ARHGEF7: variants seen among roughly 807,000 people sequenced by gnomAD.
ARHGEF7 encodes the protein Rho guanine nucleotide exchange factor 7, also known as PAK-interacting exchange factor beta.
In ARHGEF7, 33 loss-of-function variants were observed where a neutral mutation model predicts 109.8. The observed-to-expected ratio is 0.30, with a 90% confidence interval of 0.23 to 0.40. The LOEUF (loss-of-function observed/expected upper bound fraction) is 0.40, where lower values mean the gene tolerates loss of function less well. Among genes scored for constraint, ARHGEF7 ranks in the 10% least tolerant of loss-of-function variants. The pLI is 1.00. For missense variants in ARHGEF7, 938 were observed against 1,098.5 expected (o/e 0.85, Z 2.07); for synonymous variants, 458 against 424.6 (o/e 1.08, Z -0.97).
At position 111,133,789 on chromosome 13, in the gene ARHGEF7, AT is replaced by A. The variant is rs1566606745; in HGVS notation, c.165+18099del. On this transcript the variant is annotated intron_variant, in intron 1 of 21. Transcript: ENST00000646102. ...TATATATATATATATATATATATAT[AT>A]ATATATATATATATATATATATATT... is the stretch of plus-strand genomic sequence containing the variant. Among the ~76,000 whole-genome samples the A allele has an allele frequency of 2.4e-3, 251 of 103,636 alleles. 14 individuals are homozygous for A. Among genetic ancestry groups the A allele is most frequent in the East Asian group, 6.5e-3 (15 of 2,310 alleles). The allele number at this position is 103,636 out of a possible 152,430, so 68.0% of individuals were successfully genotyped here. A position where few individuals can be genotyped will look rare whatever the true frequency, so the allele number is the denominator to read the frequency against.
chr13:111,303,017 A>G lies in ARHGEF7; in HGVS notation c.2493A>G (p.Leu831=). 6.2e-7 allele frequency: 1 copy of G among 1,614,174 alleles called. No individual in the cohort carries two copies. The highest frequency in any genetic ancestry group is 8.5e-7 in the Non-Finnish European group (1 of 1,180,002). The change falls in exon 22 of 22, where the codon CTA becomes CTG. Residue 831 remains leucine, a synonymous_variant. Coordinates refer to ENST00000646102, the MANE Select transcript of ARHGEF7 (RefSeq NM_001354046.2). ...ACAACAAAAAGATGAAGAAATCTCTAGAGGAAGAACAGAGAGCCCGCAAAG... is the reference window on the plus strand; with the variant it reads ...ACAACAAAAAGATGAAGAAATCTCTGGAGGAAGAACAGAGAGCCCGCAAAG... The part of the protein sequence containing the change: ...RQDNKKMKKS[L]EEEQRARKDL...
intron 1 of ARHGEF7, among the ~76,000 whole-genome samples, chr13:111,120,879 C>T (rs1451926967): frequency 1.3e-5 from 2 of 152,204 alleles, no homozygotes; most frequent in African/African-American, 2.4e-5. Flanking sequence ...TGGCTGCACT[C>T]GGAGGCGGAA....
chr13:111,196,303 G>A (rs994761236), intron 2 of ARHGEF7, among the ~76,000 whole-genome samples: 5 of 152,164 alleles, frequency 3.3e-5, no homozygotes, highest in East Asian at 1.9e-4. Flanking sequence ...CTTGCTGACC[G>A]GTAGGGAATT....
chr13:111,232,020 A>G (rs1195040458), intron 5 of ARHGEF7, among the ~76,000 whole-genome samples: 3 of 152,154 alleles, frequency 2.0e-5, no homozygotes, highest in Admixed American at 1.3e-4. Context: ...CGTAGAACCA[A>G]TGTTAGATAT....
At chr13:111,265,694 T>C (rs1161020141) in intron 8 of ARHGEF7, 2 of 456,344 alleles carry the variant, frequency 4.4e-6, no homozygotes, top group Admixed American at 2.3e-5. Flanking sequence ...TGATCACCAA[T>C]TGGATGGTAT....
chr13:111,137,979 C>G (rs1180317176), intron 1 of ARHGEF7, among the ~76,000 whole-genome samples: 3 of 152,128 alleles, frequency 2.0e-5, no homozygotes, highest in African/African-American at 7.2e-5. Context: ...GTTGTGGGAA[C>G]TAAGGGCAGC....
At chr13:111,257,614 A>T (rs1192393545) in intron 8 of ARHGEF7, among the ~76,000 whole-genome samples, 1 of 152,262 alleles carries the variant, frequency 6.6e-6, no homozygotes, top group East Asian at 1.9e-4. Context: ...CCTTCTTAAG[A>T]ATCAGAATCA....
In ARHGEF7 at chr13:111,158,949, T is replaced by C. The variant is rs1418768498; in HGVS notation, c.252+4958T>C. On this transcript the variant is annotated intron_variant, in intron 2 of 21. Transcript: ENST00000646102. ...TTAACTGTAGTCACCTGCTGTACAA[T>C]AGATCACTAAAATTTATTCCTCCCG... The C allele has an allele frequency of 4.2e-6, 3 of 713,768 alleles. No homozygotes were observed. In the African/African-American group the frequency reaches 5.2e-5, roughly 12 times the overall value. 44.2% of individuals were successfully genotyped at this position (713,768 alleles called of 1,614,324 possible). A position where few individuals can be genotyped will look rare whatever the true frequency, so the allele number is the denominator to read the frequency against.
intron 8 of ARHGEF7, among the ~76,000 whole-genome samples, chr13:111,259,508 T>A (rs1341267146): frequency 6.6e-6 from 1 of 152,186 alleles, no homozygotes; most frequent in African/African-American, 2.4e-5. Context: ...CCGTGGTGGT[T>A]CCTATGTGAA....
intron 16 of ARHGEF7, 73 bp downstream of exon 16, chr13:111,283,436 TG>T: frequency 6.6e-7 from 1 of 1,503,820 alleles, no homozygotes; most frequent in South Asian, 1.3e-5. Flanking sequence ...GCCCACGTGC[TG>T]GGCCTTCTGT....
chr13:111,132,377 A>G (rs2074800196), intron 1 of ARHGEF7, among the ~76,000 whole-genome samples: 2 of 152,184 alleles, frequency 1.3e-5, no homozygotes, highest in Admixed American at 1.3e-4. Flanking sequence ...GATTCATTTG[A>G]TAGTGAATGG....
chr13:111,277,380 T>C (rs1291748806), intron 12 of ARHGEF7, among the ~76,000 whole-genome samples: 1 of 152,246 alleles, frequency 6.6e-6, no homozygotes, highest in African/African-American at 2.4e-5. Flanking sequence ...GTTAAAGCTC[T>C]CTCATAATCA....
Position 111,115,654 on chromosome 13 carries a change from G to T in ARHGEF7, c.128G>T (p.Arg43Met), listed in dbSNP as rs1416878084. 1.5e-6 allele frequency: 2 copies of T among 1,335,898 alleles called. No individual in the cohort carries two copies. The highest frequency in any genetic ancestry group is 9.7e-7 in the Non-Finnish European group (1 of 1,034,600). The allele number at this position is 1,335,898 out of a possible 1,614,324, so 82.8% of individuals were successfully genotyped here. Reference sequence around the variant, plus strand: ...CTGAAGGATGGGGTGGTCCTCTGCAGGCTGCTGGAGCGCCTGCTCCCCGGG... The same window carrying T: ...CTGAAGGATGGGGTGGTCCTCTGCATGCTGCTGGAGCGCCTGCTCCCCGGG... ...ASLKDGVVLC[R>M]LLERLLPGTI... The change falls in exon 1 of 22, where the codon AGG becomes ATG. Residue 43 changes from arginine (R) to methionine (M), a missense_variant. Physicochemically the swap from Arg to Met is moderately conservative, Grantham distance 91. Transcript: ENST00000646102.
chr13:111,125,809 G>A (rs1053828591), intron 1 of ARHGEF7, among the ~76,000 whole-genome samples: 6 of 152,188 alleles, frequency 3.9e-5, no homozygotes, highest in Non-Finnish European at 4.4e-5. Context: ...TCTTTTGTTA[G>A]GAATACAGAT....
chr13:111,213,248 A>G (rs1176647562), intron 4 of ARHGEF7, among the ~76,000 whole-genome samples: 4 of 152,142 alleles, frequency 2.6e-5, no homozygotes, highest in South Asian at 2.1e-4. Context: ...GTGGGCATAG[A>G]TGACTGTGCC....
chr13:111,127,618 G>T (rs1236104857), intron 1 of ARHGEF7, among the ~76,000 whole-genome samples: 2 of 132,572 alleles, frequency 1.5e-5, no homozygotes, highest in African/African-American at 5.9e-5. Context: ...CTGCACTTCA[G>T]CCTGGGTGCC....
Position 111,153,904 on chromosome 13 carries a change from G to A in ARHGEF7, c.166-1G>A, listed in dbSNP as rs752465542. 1 of 1,604,554 alleles carries A rather than the reference G, an allele frequency of 6.2e-7. No homozygotes were observed. On this transcript the variant is annotated splice_acceptor_variant, in intron 1 of 21. Transcript: ENST00000646102. LOFTEE classifies it high-confidence loss of function. ...CTCAGCGCTTGTGCTCTGTATTGCA[G>A]GTCTACCCCGAGCCCCGGAGCGAGA... is the stretch of plus-strand genomic sequence containing the variant.
chr13:111,254,278 G>T lies in ARHGEF7; in HGVS notation c.950+9984G>T, dbSNP rs954743837. On this transcript the variant is annotated intron_variant, in intron 8 of 21. Transcript: ENST00000646102. ...TTTAAATAAATCGGTTAACTGCAAT[G>T]TTTGTAATTTTCAGTTTCTATTCTG... Among the ~76,000 whole-genome samples the T allele has an allele frequency of 1.9e-4, 29 of 152,240 alleles. 1 individual carries two copies. The highest frequency in any genetic ancestry group is 1.9e-4 in the East Asian group (1 of 5,202).
chr13:111,212,840 T>C (rs2082661814), intron 4 of ARHGEF7, among the ~76,000 whole-genome samples: 1 of 152,228 alleles, frequency 6.6e-6, no homozygotes, highest in Non-Finnish European at 1.5e-5. Context: ...TATCTTACAG[T>C]TGATGGTATG....
Sources: gnomAD v4.1 joint callset for allele counts (sites outside exome capture counted in the v4.1 genomes callset) on GRCh38, gnomAD v4.1.1 for gene constraint, MANE v1.5 for transcripts, NCBI Gene and HGNC (gene_info 2026-07-23, HGNC 2026-07-21) for gene names.